Variants in ASTN2 observed in about 807,000 individuals in gnomAD.
ASTN2 encodes astrotactin-2.
Under a neutral mutation model 139.8 loss-of-function variants are expected in ASTN2, and 54 were observed. The ratio of observed to expected loss-of-function variants is 0.39; its 90% confidence interval spans 0.31 to 0.48. The LOEUF (loss-of-function observed/expected upper bound fraction) is 0.48. Among genes scored for constraint, ASTN2 ranks in the 20% least tolerant of loss-of-function variants. The pLI is 0.95. For missense variants in ASTN2, 1,565 were observed against 1,725.1 expected (o/e 0.91, Z 1.64); for synonymous variants, 756 against 719.5 (o/e 1.05, Z -0.81).
At chr9:116,483,883 T>C (rs1347075394) in intron 20 of ASTN2, among the ~76,000 whole-genome samples, 1 of 152,202 alleles carries the variant, frequency 6.6e-6, no homozygotes, top group Non-Finnish European at 1.5e-5. Flanking sequence ...GCAGAAGTAG[T>C]AGCAGGGCAT....
At chr9:117,039,347 C>T (rs1045194518) in intron 6 of ASTN2, among the ~76,000 whole-genome samples, 5 of 152,010 alleles carry the variant, frequency 3.3e-5, no homozygotes, top group Non-Finnish European at 5.9e-5. Context: ...CCAAACACCA[C>T]ATGTTCTCAC....
intron 1 of ASTN2, among the ~76,000 whole-genome samples, chr9:117,409,050 G>T (rs947446867): frequency 6.6e-6 from 1 of 152,184 alleles, no homozygotes; most frequent in Non-Finnish European, 1.5e-5. Flanking sequence ...CTTGAAGTTT[G>T]ACTGCTAACC....
At chr9:117,165,605 G>A (rs34347505) in intron 3 of ASTN2, among the ~76,000 whole-genome samples, 1,822 of 152,212 alleles carry the variant, frequency 0.012, 21 homozygotes, top group Non-Finnish European at 0.017. Context: ...AGACTTTGGG[G>A]TCCTGAGAGT....
chr9:116,525,384 G>C (rs1851048439), intron 19 of ASTN2, among the ~76,000 whole-genome samples: 2 of 152,222 alleles, frequency 1.3e-5, no homozygotes. Flanking sequence ...GTAGGCTGCA[G>C]GGTGGAAGAT....
At chr9:116,946,134 C>T (rs570746782) in intron 10 of ASTN2, among the ~76,000 whole-genome samples, 2 of 152,320 alleles carry the variant, frequency 1.3e-5, no homozygotes, top group Admixed American at 6.5e-5. Context: ...CAGTCACCTT[C>T]CACCAGGTCC....
intron 3 of ASTN2, among the ~76,000 whole-genome samples, chr9:117,199,514 G>C (rs1831630606): frequency 6.6e-6 from 1 of 152,086 alleles, no homozygotes; most frequent in African/African-American, 2.4e-5. Flanking sequence ...ACGCTGTTTT[G>C]GTTGCTGTAG....
At chr9:116,952,132 T>G (rs1330779006) in intron 10 of ASTN2, among the ~76,000 whole-genome samples, 3 of 152,222 alleles carry the variant, frequency 2.0e-5, no homozygotes, top group Non-Finnish European at 2.9e-5. Flanking sequence ...GCCTTTTAGT[T>G]TATTCTTAAT....
intron 4 of ASTN2, among the ~76,000 whole-genome samples, chr9:117,137,643 G>A (rs1329055019): frequency 1.3e-5 from 2 of 152,028 alleles, no homozygotes; most frequent in East Asian, 1.9e-4. Context: ...ACTTCTCAGA[G>A]TTTTTAATAG....
intron 11 of ASTN2, among the ~76,000 whole-genome samples, chr9:116,852,713 A>G (rs1218300739): frequency 6.6e-6 from 1 of 152,132 alleles, no homozygotes; most frequent in Non-Finnish European, 1.5e-5. Context: ...TATCCTCAAG[A>G]CCTATGATAA....
At chr9:116,636,244 G>T (rs1405872547) in intron 17 of ASTN2, among the ~76,000 whole-genome samples, 1 of 152,174 alleles carries the variant, frequency 6.6e-6, no homozygotes, top group East Asian at 1.9e-4. Context: ...ACTAAATATA[G>T]AAGCTATTGT....
chr9:116,544,713 T>C (rs1371651208), intron 19 of ASTN2, among the ~76,000 whole-genome samples: 2 of 152,146 alleles, frequency 1.3e-5, no homozygotes, highest in Non-Finnish European at 2.9e-5. Context: ...GGTCACACTT[T>C]GGATTAGGCG....
At chr9:117,173,575 T>C (rs1830843972) in intron 3 of ASTN2, among the ~76,000 whole-genome samples, 1 of 151,984 alleles carries the variant, frequency 6.6e-6, no homozygotes, top group Non-Finnish European at 1.5e-5. Context: ...AAAATTAGTG[T>C]TAATAACAAA....
Position 116,909,108 on chromosome 9 carries a change from G to A in ASTN2, c.1890-45375C>T, listed in dbSNP as rs899193236. Among the ~76,000 whole-genome samples the A allele has an allele frequency of 5.9e-5, 9 of 152,300 alleles. No individual in the cohort carries two copies. The East Asian group carries it at 1.7e-3, about 29-fold the overall frequency. The stretch of plus-strand genomic sequence containing the variant: ...AATGTGCTAAAAAAGCCATGGCAGG[G>A]AGGCATTTGGGCAGGAGGTGAAATG... On this transcript the variant is annotated intron_variant, in intron 10 of 22. Coordinates refer to ENST00000313400, the MANE Select transcript of ASTN2 (RefSeq NM_001365068.1).
At chr9:116,953,944 G>T (rs954584061) in intron 10 of ASTN2, among the ~76,000 whole-genome samples, 3 of 152,180 alleles carry the variant, frequency 2.0e-5, no homozygotes, top group Non-Finnish European at 4.4e-5. Flanking sequence ...AGAGAACCTT[G>T]TGCTAGTTCA....
At chr9:116,840,844 A>G (rs1832224821) in intron 11 of ASTN2, among the ~76,000 whole-genome samples, 1 of 149,546 alleles carries the variant, frequency 6.7e-6, no homozygotes, top group Non-Finnish European at 1.5e-5. Flanking sequence ...GGCGCTCCTC[A>G]CTTCCTAGAT....
chr9:116,785,060 GTC>G (rs1051176979), intron 13 of ASTN2, among the ~76,000 whole-genome samples: 44 of 152,000 alleles, frequency 2.9e-4, no homozygotes, highest in African/African-American at 1.0e-3. Flanking sequence ...AAATTATTCA[GTC>G]TCTTAACAAT....
chr9:116,763,326 T>C (rs1057457863), intron 13 of ASTN2, among the ~76,000 whole-genome samples: 2 of 152,156 alleles, frequency 1.3e-5, no homozygotes, highest in African/African-American at 2.4e-5. Flanking sequence ...GCATCAGTCT[T>C]AAATTTATAA....
At chr9:117,070,088 C>A (rs1422506742) in intron 5 of ASTN2, among the ~76,000 whole-genome samples, 8 of 146,956 alleles carry the variant, frequency 5.4e-5, no homozygotes, top group African/African-American at 2.0e-4. Flanking sequence ...TTAGTTGATG[C>A]AGTTTCTTCC....
chr9:116,825,677 G>A (rs1831605185), intron 11 of ASTN2, among the ~76,000 whole-genome samples: 1 of 152,182 alleles, frequency 6.6e-6, no homozygotes, highest in Non-Finnish European at 1.5e-5. Flanking sequence ...CAGATGTGGG[G>A]AAACAGTAAG....
Sources: allele counts gnomAD v4.1 joint callset (sites outside exome capture counted in the v4.1 genomes callset), GRCh38; gene constraint gnomAD v4.1.1; transcripts MANE v1.5; gene names NCBI Gene and HGNC (gene_info 2026-07-23, HGNC 2026-07-21).